The following MARK1 variants were observed in gnomAD, a reference collection of about 807,000 sequenced individuals.
MARK1 encodes the protein serine/threonine-protein kinase MARK1.
In MARK1, 40 loss-of-function variants were observed where a neutral mutation model predicts 96.3. That is an observed-to-expected ratio of 0.42 (90% CI 0.32 to 0.54). MARK1 has a LOEUF of 0.54. Ranked by LOEUF, MARK1 falls within the 20% of genes least tolerant of loss-of-function variation. The pLI, the probability that MARK1 is intolerant of heterozygous loss-of-function variation, is 0.16. For missense variants in MARK1, 719 were observed against 984.6 expected (o/e 0.73, Z 3.61); for synonymous variants, 317 against 341.2 (o/e 0.93, Z 0.78).
intron 3 of MARK1, among the ~76,000 whole-genome samples, chr1:220,595,014 A>G (rs901147122): frequency 1.3e-5 from 2 of 152,164 alleles, no homozygotes; most frequent in African/African-American, 4.8e-5. Context: ...ACTTCCAGTG[A>G]TAATGATGTG....
intron 1 of MARK1, among the ~76,000 whole-genome samples, chr1:220,545,195 C>T (rs552301086): frequency 1.3e-5 from 2 of 152,290 alleles, no homozygotes; most frequent in East Asian, 3.9e-4. Flanking sequence ...CACAAAGTCC[C>T]TGAGTGTGAA....
intron 12 of MARK1, 61 bp downstream of exon 12, chr1:220,635,590 A>G: frequency 1.3e-6 from 2 of 1,546,236 alleles, no homozygotes; most frequent in Middle Eastern, 1.7e-4. Flanking sequence ...TTGTGTTTTT[A>G]AAGCATTGTA....
intron 7 of MARK1, 24 bp downstream of exon 7, chr1:220,616,019 T>TAAAAA: frequency 1.7e-6 from 2 of 1,153,008 alleles, no homozygotes; most frequent in Non-Finnish European, 2.5e-6. Flanking sequence ...TGTAATTTTT[T>TAAAAA]TAAAAAAAAA....
At chr1:220,647,340 C>T (rs1451711513) in intron 13 of MARK1, among the ~76,000 whole-genome samples, 1 of 152,036 alleles carries the variant, frequency 6.6e-6, no homozygotes, top group Non-Finnish European at 1.5e-5. Flanking sequence ...AAATCAAAAC[C>T]ATAATGAGAT....
intron 16 of MARK1, among the ~76,000 whole-genome samples, chr1:220,655,566 C>T (rs955295089): frequency 3.9e-5 from 6 of 152,140 alleles, no homozygotes; most frequent in Non-Finnish European, 8.8e-5. Context: ...TTCCTCATAC[C>T]ACCTCAGATC....
chr1:220,581,245 G>T (rs1664221953), intron 3 of MARK1, 127 bp downstream of exon 3: 1 of 364,822 alleles, frequency 2.7e-6, no homozygotes, highest in African/African-American at 2.1e-5. Context: ...AAGAAGAAAA[G>T]ACATAATATA....
At chr1:220,649,842 A>T (rs1035351141) in intron 13 of MARK1, among the ~76,000 whole-genome samples, 1 of 152,198 alleles carries the variant, frequency 6.6e-6, no homozygotes, top group Non-Finnish European at 1.5e-5. Context: ...TTGGGTAAGG[A>T]TTAAACAGAA....
At chr1:220,646,483 A>C (rs2103041173) in intron 13 of MARK1, among the ~76,000 whole-genome samples, 1 of 152,340 alleles carries the variant, frequency 6.6e-6, no homozygotes, top group South Asian at 2.1e-4. Context: ...CATACTGCCA[A>C]AGCAACTTAT....
chr1:220,540,740 G>A (rs1661083191), intron 1 of MARK1, among the ~76,000 whole-genome samples: 1 of 151,012 alleles, frequency 6.6e-6, no homozygotes. Context: ...CTTAGTCAAA[G>A]GTTTGTCAAA....
At chr1:220,625,590 A>G (rs990085163) in intron 9 of MARK1, 2 of 201,352 alleles carry the variant, frequency 9.9e-6, no homozygotes, top group African/African-American at 4.6e-5. Flanking sequence ...AGGTGGGAAG[A>G]TAGGGGAAAA....
chr1:220,534,868 A>G (rs1660575401), intron 1 of MARK1, among the ~76,000 whole-genome samples: 1 of 152,122 alleles, frequency 6.6e-6, no homozygotes, highest in Non-Finnish European at 1.5e-5. Context: ...TGTCTTTTTT[A>G]TAGCTGAATA....
intron 1 of MARK1, among the ~76,000 whole-genome samples, chr1:220,561,906 A>G (rs1346400571): frequency 7.2e-5 from 11 of 152,208 alleles, no homozygotes; most frequent in Admixed American, 7.2e-4. Context: ...TGACATTGCG[A>G]GCTTTTTGTT....
chr1:220,550,448 GT>G (rs1363407512), intron 1 of MARK1, among the ~76,000 whole-genome samples: 1 of 152,154 alleles, frequency 6.6e-6, no homozygotes, highest in Admixed American at 6.6e-5. Context: ...AACCTCCCAT[GT>G]TCAAGTGCTC....
At chr1:220,647,405 G>A (rs1668640854) in intron 13 of MARK1, among the ~76,000 whole-genome samples, 1 of 152,150 alleles carries the variant, frequency 6.6e-6, no homozygotes, top group Admixed American at 6.5e-5. Flanking sequence ...AACAACAGAT[G>A]CTGGCAAGGT....
At chr1:220,548,439 A>C (rs1052033061) in intron 1 of MARK1, among the ~76,000 whole-genome samples, 15 of 152,230 alleles carry the variant, frequency 9.9e-5, no homozygotes, top group Admixed American at 8.5e-4. Flanking sequence ...AAATGTAATG[A>C]TTTAGAGAAC....
At chr1:220,624,844 A>G (rs1553333398) in intron 9 of MARK1, among the ~76,000 whole-genome samples, 1 of 152,214 alleles carries the variant, frequency 6.6e-6, no homozygotes, top group Non-Finnish European at 1.5e-5. Flanking sequence ...CTTAATTTAT[A>G]GAAACCATAT....
At chr1:220,643,028 A>G (rs763107200) in intron 13 of MARK1, among the ~76,000 whole-genome samples, 2 of 152,198 alleles carry the variant, frequency 1.3e-5, no homozygotes, top group Non-Finnish European at 2.9e-5. Flanking sequence ...TGAAAATCCC[A>G]AAAGAAGAAT....
chr1:220,593,322 T>G (rs193274027), intron 3 of MARK1, among the ~76,000 whole-genome samples: 35 of 152,250 alleles, frequency 2.3e-4, no homozygotes, highest in Admixed American at 1.2e-3. Flanking sequence ...TTCTAAATGT[T>G]TAAATGGCTG....
At chr1:220,561,235 T>A (rs185027485) in intron 1 of MARK1, among the ~76,000 whole-genome samples, 73 of 152,254 alleles carry the variant, frequency 4.8e-4, no homozygotes, top group Admixed American at 1.5e-3. Context: ...AGACCAGAGT[T>A]AAACACATGA....
Sources: allele counts gnomAD v4.1 joint callset (sites outside exome capture counted in the v4.1 genomes callset), GRCh38; gene constraint gnomAD v4.1.1; transcripts MANE v1.5; gene names NCBI Gene and HGNC (gene_info 2026-07-23, HGNC 2026-07-21).